The following POPDC1 variants were observed in gnomAD, a reference collection of about 807,000 sequenced individuals.
The protein encoded by POPDC1 is popeye domain-containing protein 1.
At chr6:105,132,012 T>A in the POPDC1 span, among the ~76,000 whole-genome samples, 1 of 150,852 alleles carries the variant, frequency 6.6e-6, no homozygotes, top group Non-Finnish European at 1.5e-5. Flanking sequence ...TGTCGCCAGG[T>A]TGGAGTGCAG....
chr6:105,128,883 T>C, the POPDC1 span, among the ~76,000 whole-genome samples: 1 of 151,798 alleles, frequency 6.6e-6, no homozygotes, highest in Non-Finnish European at 1.5e-5. Flanking sequence ...TAAATCAGAG[T>C]TGAAAAGAAA....
chr6:105,110,320 T>G, the POPDC1 span, among the ~76,000 whole-genome samples: 1 of 152,232 alleles, frequency 6.6e-6, no homozygotes, highest in African/African-American at 2.4e-5. Context: ...AATGAGGGTA[T>G]TGCTTTCTCT....
chr6:105,124,385 C>CAAA, the POPDC1 span, among the ~76,000 whole-genome samples: 131 of 81,708 alleles, frequency 1.6e-3, no homozygotes, highest in Non-Finnish European at 1.8e-3. Flanking sequence ...CCGTCTCAAA[C>CAAA]AAAAAAAAAA....
the POPDC1 span, among the ~76,000 whole-genome samples, chr6:105,103,189 ACAG>A: frequency 2.1e-3 from 316 of 152,344 alleles, 2 homozygotes; most frequent in African/African-American, 7.0e-3. Context: ...AATAATAAGA[ACAG>A]CACCTATTTC....
At chr6:105,110,601 G>A in the POPDC1 span, among the ~76,000 whole-genome samples, 23 of 152,130 alleles carry the variant, frequency 1.5e-4, no homozygotes, top group Admixed American at 2.0e-4. Flanking sequence ...GTTTCTCTCA[G>A]ACATACTGGT....
chr6:105,107,065 T>C, the POPDC1 span, among the ~76,000 whole-genome samples: 1 of 152,198 alleles, frequency 6.6e-6, no homozygotes, highest in African/African-American at 2.4e-5. Context: ...CTATTTTTTG[T>C]ATCCATTAAC....
At chr6:105,134,318 TTATACA>T in the POPDC1 span, among the ~76,000 whole-genome samples, 2 of 152,168 alleles carry the variant, frequency 1.3e-5, no homozygotes, top group African/African-American at 4.8e-5. Flanking sequence ...TCCAGTTTAC[TTATACA>T]TATGAAAATC....
the POPDC1 span, chr6:105,124,780 G>A: frequency 1.5e-6 from 1 of 689,616 alleles, no homozygotes; most frequent in Non-Finnish European, 2.4e-6. Context: ...CAGAGATGAT[G>A]GACATAACTA....
At chr6:105,116,563 C>T in the POPDC1 span, 1 of 659,218 alleles carries the variant, frequency 1.5e-6, no homozygotes, top group South Asian at 2.5e-5. Context: ...AAAATACTTT[C>T]TCCTCTCAAG....
At chr6:105,125,424 A>G in the POPDC1 span, 1 of 1,614,224 alleles carries the variant, frequency 6.2e-7, no homozygotes. Flanking sequence ...ACGGTCATCA[A>G]CTGAGGTTTT....
chr6:105,099,043 G>A, the POPDC1 span: 1 of 152,222 alleles, frequency 6.6e-6, no homozygotes, highest in Non-Finnish European at 1.5e-5. Flanking sequence ...TTTTTTTGTA[G>A]AGATGGGGTT....
chr6:105,132,352 C>A, the POPDC1 span, among the ~76,000 whole-genome samples: 1 of 152,226 alleles, frequency 6.6e-6, no homozygotes, highest in South Asian at 2.1e-4. Context: ...TGTTTGGATA[C>A]TATACCCATT....
At chr6:105,128,795 G>C in the POPDC1 span, among the ~76,000 whole-genome samples, 1 of 152,276 alleles carries the variant, frequency 6.6e-6, no homozygotes, top group East Asian at 1.9e-4. Context: ...AAAGTCAGTA[G>C]ATATATATGG....
chr6:105,128,821 C>T, the POPDC1 span, among the ~76,000 whole-genome samples: 2 of 151,982 alleles, frequency 1.3e-5, no homozygotes, highest in Non-Finnish European at 2.9e-5. Context: ...TTTCTAGGAC[C>T]CCTGCTGTTT....
the POPDC1 span, among the ~76,000 whole-genome samples, chr6:105,132,236 G>A: frequency 2.1e-3 from 321 of 152,310 alleles, 2 homozygotes; most frequent in African/African-American, 7.0e-3. Context: ...ACAGTGCTGG[G>A]ATTACAGGCG....
the POPDC1 span, chr6:105,116,711 A>G: frequency 6.3e-7 from 1 of 1,588,496 alleles, no homozygotes; most frequent in African/African-American, 1.4e-5. Flanking sequence ...TTTATCATTT[A>G]AGGTGGGATC....
the POPDC1 span, chr6:105,099,370 C>A: frequency 6.6e-6 from 1 of 152,188 alleles, no homozygotes; most frequent in Non-Finnish European, 1.5e-5. Context: ...CAGAAATCAC[C>A]TCATGGTAAG....
chr6:105,124,385 C>CAAAAA, the POPDC1 span, among the ~76,000 whole-genome samples: 39 of 81,736 alleles, frequency 4.8e-4, no homozygotes, highest in African/African-American at 6.5e-4. Context: ...CCGTCTCAAA[C>CAAAAA]AAAAAAAAAA....
chr6:105,133,331 A>C, the POPDC1 span: 3 of 1,568,482 alleles, frequency 1.9e-6, no homozygotes, highest in Non-Finnish European at 2.6e-6. Flanking sequence ...AGTTACATAA[A>C]GTATCAGTTA....
Sources: allele counts gnomAD v4.1 joint callset (sites outside exome capture counted in the v4.1 genomes callset), GRCh38; gene constraint gnomAD v4.1.1; transcripts MANE v1.5; gene names NCBI Gene and HGNC (gene_info 2026-07-23, HGNC 2026-07-21).